CPVL: variants seen among roughly 807,000 people sequenced by gnomAD.
CPVL encodes the protein probable serine carboxypeptidase CPVL.
CPVL carries 51 observed loss-of-function variants against 63.7 expected under a neutral mutation model. That is an observed-to-expected ratio of 0.80 (90% CI 0.64 to 1.01). The LOEUF is 1.01. Ranked by LOEUF, CPVL falls within the 50% of genes least tolerant of loss-of-function variation. The probability of loss-of-function intolerance (pLI) is 0.00; values close to 1 mark genes in which losing one functional copy is unlikely to be tolerated. For missense variants in CPVL, 530 were observed against 573.1 expected, an observed-to-expected ratio of 0.92 and a Z score of 0.77; for synonymous variants, 195 against 206.0, an observed-to-expected ratio of 0.95 and a Z score of 0.46.
At chr7:29,165,199 T>A (rs1795748202) in intron 5 of CPVL, among the ~76,000 whole-genome samples, 1 of 152,062 alleles carries the variant, frequency 6.6e-6, no homozygotes, top group Admixed American at 6.5e-5. Context: ...ATATCTCATC[T>A]TTTCAATTAT....
intron 12 of CPVL, among the ~76,000 whole-genome samples, chr7:29,024,296 T>C (rs1787285716): frequency 6.6e-6 from 1 of 152,132 alleles, no homozygotes; most frequent in African/African-American, 2.4e-5. Context: ...AAAAAGTACA[T>C]ATATATAAAG....
At chr7:29,140,957 G>C (rs944036308) in intron 1 of CPVL, among the ~76,000 whole-genome samples, 1 of 152,296 alleles carries the variant, frequency 6.6e-6, no homozygotes, top group Non-Finnish European at 1.5e-5. Flanking sequence ...CAGGGAAGTA[G>C]GAAGGTTGCA....
intron 7 of CPVL, among the ~76,000 whole-genome samples, chr7:29,082,819 C>G (rs373481656): frequency 1.3e-5 from 2 of 152,186 alleles, no homozygotes. Context: ...TGGGATTTGG[C>G]AGTTTTGCCA....
exon 4 of CPVL, chr7:29,184,527 G>A (rs941315640): frequency 2.6e-5 from 4 of 152,150 alleles, no homozygotes; most frequent in African/African-American, 7.2e-5. Context: ...ACCCCAGGAA[G>A]AGCCAATGTT....
chr7:29,048,319 G>C (rs1019336394), intron 11 of CPVL, among the ~76,000 whole-genome samples: 2 of 152,140 alleles, frequency 1.3e-5, no homozygotes, highest in Admixed American at 1.3e-4. Flanking sequence ...GCCTTCAGGA[G>C]ACTCACCTAA....
chr7:28,995,304 C>T lies in CPVL; in HGVS notation c.*468G>A, dbSNP rs1783956255. The stretch of plus-strand genomic sequence containing the variant: ...GACTTTATACATTTGAGAATCTTTT[C>T]CCCAAAACTATTATAGCTTCATCCA... On this transcript the variant is annotated 3_prime_UTR_variant, in exon 13 of 13. Coordinates refer to ENST00000265394, the MANE Select transcript of CPVL (RefSeq NM_031311.5). The T allele has an allele frequency of 6.5e-6, 1 of 152,826 alleles. No individual in the cohort carries two copies. Among genetic ancestry groups the T allele is most frequent in the Non-Finnish European group, 1.5e-5 (1 of 68,592 alleles). 9.5% of individuals were successfully genotyped at this position (152,826 alleles called of 1,614,324 possible).
chr7:29,098,379 A>AC (rs1171373881), intron 3 of CPVL, among the ~76,000 whole-genome samples: 1 of 152,140 alleles, frequency 6.6e-6, no homozygotes, highest in East Asian at 1.9e-4. Context: ...GGGACCTGCT[A>AC]CAAGATAGGT....
chr7:29,094,791 G>C (rs1786227005), intron 5 of CPVL, among the ~76,000 whole-genome samples: 1 of 152,026 alleles, frequency 6.6e-6, no homozygotes, highest in South Asian at 2.1e-4. Context: ...TTGAACCGGG[G>C]AGGCGGAGGT....
intron 5 of CPVL, among the ~76,000 whole-genome samples, chr7:29,157,991 G>A (rs1218411703): frequency 6.6e-6 from 1 of 152,138 alleles, no homozygotes; most frequent in Non-Finnish European, 1.5e-5. Flanking sequence ...TGGTTCCAAA[G>A]AGAAACGGAA....
chr7:29,026,488 CA>C (rs1787503213), intron 12 of CPVL, among the ~76,000 whole-genome samples: 1 of 151,670 alleles, frequency 6.6e-6, no homozygotes, highest in African/African-American at 2.4e-5. Context: ...TAATAACAAT[CA>C]GAGCAGAACT....
intron 1 of CPVL, among the ~76,000 whole-genome samples, chr7:29,139,363 T>G (rs1292553768): frequency 6.6e-6 from 1 of 152,132 alleles, no homozygotes; most frequent in African/African-American, 2.4e-5. Context: ...ATTCTAAAAA[T>G]GCAGCCAAGG....
chr7:29,148,407 C>T (rs535027000), upstream of CPVL: 4 of 152,214 alleles, frequency 2.6e-5, no homozygotes, highest in Non-Finnish European at 5.9e-5. Flanking sequence ...GCTATAAATG[C>T]TGCAACTTAT....
intron 5 of CPVL, among the ~76,000 whole-genome samples, chr7:29,158,567 A>G (rs1794747178): frequency 6.6e-6 from 1 of 152,140 alleles, no homozygotes; most frequent in South Asian, 2.1e-4. Flanking sequence ...AGAGGAAAAT[A>G]TTTCCTTCAA....
intron 1 of CPVL, among the ~76,000 whole-genome samples, chr7:29,138,369 G>A (rs569227533): frequency 7.2e-5 from 11 of 152,342 alleles, no homozygotes; most frequent in Non-Finnish European, 7.3e-5. Context: ...GAACACCGGA[G>A]GCAGAGGTTG....
Position 29,030,682 on chromosome 7 carries a change from C to A in CPVL, c.1215G>T (p.Trp405Cys). Residue 405 changes from tryptophan (W) to cysteine (C), a missense_variant, in exon 12 of 13, where the codon TGG becomes TGT. By Grantham distance (215) the Trp-to-Cys change is radical. Transcript: ENST00000265394. ...LTERSLMGMD[W>C]KGSQEYKKAE... ...CCTTCTTGTATTCCTGGGATCCTTTCCAGTCCATGCCCATCAAGGAGCGCT... is the reference window on the plus strand; with the variant it reads ...CCTTCTTGTATTCCTGGGATCCTTTACAGTCCATGCCCATCAAGGAGCGCT... 3.7e-6 allele frequency: 6 copies of A among 1,613,892 alleles called. No individual in the cohort carries two copies. Among genetic ancestry groups the A allele is most frequent in the Non-Finnish European group, 4.2e-6 (5 of 1,179,928 alleles).
At chr7:29,011,758 C>T (rs1415020412) in intron 12 of CPVL, 1 of 152,156 alleles carries the variant, frequency 6.6e-6, no homozygotes, top group African/African-American at 2.4e-5. Context: ...TATATTAGCA[C>T]ATTCAGTAGG....
At chr7:29,141,780 G>C (rs1791911976) in intron 1 of CPVL, among the ~76,000 whole-genome samples, 1 of 150,978 alleles carries the variant, frequency 6.6e-6, no homozygotes, top group African/African-American at 2.4e-5. Flanking sequence ...CCAGGCGTGG[G>C]GGTACACGCC....
intron 5 of CPVL, among the ~76,000 whole-genome samples, chr7:29,159,266 C>T (rs1794850884): frequency 6.6e-6 from 1 of 152,146 alleles, no homozygotes; most frequent in Non-Finnish European, 1.5e-5. Flanking sequence ...AAACTGAGCA[C>T]AGAAGAGGTC....
At chr7:29,073,639 T>A (rs1440319941) in intron 7 of CPVL, among the ~76,000 whole-genome samples, 2 of 152,190 alleles carry the variant, frequency 1.3e-5, no homozygotes, top group Admixed American at 1.3e-4. Flanking sequence ...GGCCCCCATA[T>A]GGCAAATTCC....
Sources: allele counts gnomAD v4.1 joint callset (sites outside exome capture counted in the v4.1 genomes callset), GRCh38; gene constraint gnomAD v4.1.1; transcripts MANE v1.5; gene names NCBI Gene and HGNC (gene_info 2026-07-23, HGNC 2026-07-21).